Variants in LSM14B observed in about 807,000 individuals in gnomAD.
LSM14B encodes LSM family member 14B.
Under a neutral mutation model 42.1 loss-of-function variants are expected in LSM14B, and 8 were observed. The observed-to-expected ratio is 0.19, with a 90% CI of 0.11 to 0.34. The LOEUF is 0.34. LSM14B is among the 10% of genes least tolerant of loss of function. The pLI is 1.00. For missense variants in LSM14B, 396 were observed against 513.1 expected, an observed-to-expected ratio of 0.77 and a Z score of 2.21; for synonymous variants, 219 against 209.7, an observed-to-expected ratio of 1.04 and a Z score of -0.38.
chr20:62,132,744 G>A (rs975719016), intron 7 of LSM14B, among the ~76,000 whole-genome samples: 1 of 152,186 alleles, frequency 6.6e-6, no homozygotes, highest in African/African-American at 2.4e-5. Flanking sequence ...GTCTGCGTCG[G>A]TAGGAGTGCT....
At chr20:62,127,791 G>A (rs1185342762) in intron 3 of LSM14B, 2 of 974,468 alleles carry the variant, frequency 2.1e-6, no homozygotes, top group Admixed American at 4.0e-5. Context: ...AGTAGCTGTA[G>A]CAGATCATTT....
rs138478791 is a variant in LSM14B at position 62,128,664 on chromosome 20, CTG to C, written c.428-1117_428-1116del. Among the ~76,000 whole-genome samples the C allele has an allele frequency of 2.8e-3, 432 of 152,320 alleles. 3 individuals carry two copies. The highest frequency in any genetic ancestry group is 9.8e-3 in the African/African-American group (409 of 41,578). On this transcript the variant is annotated intron_variant, in intron 3 of 8. Transcript: ENST00000279068. The stretch of plus-strand genomic sequence containing the variant: ...CAGTATGATCAGCAGGCAGGCAGTG[CTG>C]TGTTTGTCTCCCGGACATGCTGAGT...
At position 62,134,466 on chromosome 20, in the gene LSM14B, C is replaced by T. The variant is rs1045345005; in HGVS notation, c.*318C>T. ...TTCTATAGTGAAAGCTGAATCCTTA[C>T]TTTGTGACTTTTTTTTTTTTTTTTA... is the stretch of plus-strand genomic sequence containing the variant. On this transcript the variant is annotated 3_prime_UTR_variant, in exon 9 of 9. Coordinates refer to ENST00000279068, the MANE Select transcript of LSM14B (RefSeq NM_144703.3). 2.2e-4 allele frequency: 38 copies of T among 173,984 alleles called. No homozygotes were observed. The highest frequency in any genetic ancestry group is 8.2e-4 in the South Asian group (13 of 15,896). 10.8% of individuals were successfully genotyped at this position (173,984 alleles called of 1,614,324 possible). A position where few individuals can be genotyped will look rare whatever the true frequency, so the allele number is the denominator to read the frequency against.
intron 3 of LSM14B, among the ~76,000 whole-genome samples, chr20:62,126,688 A>C: frequency 6.6e-6 from 1 of 152,200 alleles, no homozygotes; most frequent in East Asian, 1.9e-4. Flanking sequence ...TCATTCGAAG[A>C]GTCAGGGCGG....
At chr20:62,125,098 C>T (rs1274502677) in intron 2 of LSM14B, among the ~76,000 whole-genome samples, 1 of 152,172 alleles carries the variant, frequency 6.6e-6, no homozygotes, top group Non-Finnish European at 1.5e-5. Context: ...CCAGGATGGT[C>T]TCAATCTCTT....
At chr20:62,123,868 G>A (rs934166296) in intron 1 of LSM14B, among the ~76,000 whole-genome samples, 2 of 152,218 alleles carry the variant, frequency 1.3e-5, no homozygotes, top group Non-Finnish European at 2.9e-5. Context: ...CTCACTTGCA[G>A]CCATGGAACC....
Position 62,130,322 on chromosome 20 carries a change from T to C in LSM14B, c.673+26T>C. On this transcript the variant is annotated intron_variant, in intron 5 of 8. Coordinates refer to ENST00000279068, the MANE Select transcript of LSM14B (RefSeq NM_144703.3). This position sits in a 1 kb window ranked among gnomAD's most constrained non-coding sequence, Gnocchi z 4.1. ...GTAACACCTGTTGCCACTTGATTTCTGGGGACCACGAGTGATCAGGCTGAG... is the reference window on the plus strand; with the variant it reads ...GTAACACCTGTTGCCACTTGATTTCCGGGGACCACGAGTGATCAGGCTGAG... 6.4e-7 allele frequency: 1 copy of C among 1,571,422 alleles called. No individual in the cohort carries two copies. The highest frequency in any genetic ancestry group is 1.2e-5 in the South Asian group (1 of 85,576).
At chr20:62,128,819 C>T (rs2056680278) in intron 3 of LSM14B, 2 of 644,376 alleles carry the variant, frequency 3.1e-6, no homozygotes, top group Admixed American at 3.2e-5. Context: ...AATTTTTCTA[C>T]AGTCAATTTT....
chr20:62,126,435 T>G lies in LSM14B; in HGVS notation c.423T>G (p.Gly141=), dbSNP rs772916720. 3.7e-6 allele frequency: 6 copies of G among 1,608,182 alleles called. No individual in the cohort carries two copies. The highest frequency in any genetic ancestry group is 5.1e-6 in the Non-Finnish European group (6 of 1,179,736). ...GCCAGCAGTATGCCGCCTCCCTGGG[T>G]CTAGGTGAGTGACCTGTTTCTGTCT... is the stretch of plus-strand genomic sequence containing the variant. The part of the protein sequence containing the change: ...LLSQQYAASL[G]LGAGFPSIPV... The change falls in exon 3 of 9, where the codon GGT becomes GGG. Residue 141 remains glycine, a synonymous_variant. Coordinates refer to ENST00000279068, the MANE Select transcript of LSM14B (RefSeq NM_144703.3).
chr20:62,129,959 G>T lies in LSM14B; in HGVS notation c.595+7G>T. On this transcript the variant is annotated splice_region_variant and intron_variant, in intron 4 of 8. Coordinates refer to ENST00000279068, the MANE Select transcript of LSM14B (RefSeq NM_144703.3). The stretch of plus-strand genomic sequence containing the variant: ...AGCAGCAAGACGGCCAGCGGTACTT[G>T]AACACATCATTTCCTGGAGTTTGCT... 11 of 1,606,454 alleles carry T rather than the reference G, an allele frequency of 6.8e-6. No homozygotes were observed. The highest frequency in any genetic ancestry group is 9.3e-6 in the Non-Finnish European group (11 of 1,176,844).
At chr20:62,131,911 C>T (rs917433766) in intron 7 of LSM14B, among the ~76,000 whole-genome samples, 4 of 152,242 alleles carry the variant, frequency 2.6e-5, no homozygotes, top group African/African-American at 9.6e-5. Context: ...GGCTTTCCTT[C>T]ACTTCATTGT....
At chr20:62,127,562 C>A in intron 3 of LSM14B, 2 of 1,508,456 alleles carry the variant, frequency 1.3e-6, no homozygotes, top group Non-Finnish European at 1.8e-6. Context: ...TCTTTTTGCT[C>A]TTTCTCCTTT....
In LSM14B at chr20:62,132,169, G is replaced by A. The variant is rs749807789; in HGVS notation, c.986+663G>A. On this transcript the variant is annotated intron_variant, in intron 7 of 8. Coordinates refer to ENST00000279068, the MANE Select transcript of LSM14B (RefSeq NM_144703.3). ...CAGGGGAAAAATAGAACAGCATGTC[G>A]TGAAGGCCAGGCAGTGAGGGCGATG... Among the ~76,000 whole-genome samples the A allele has an allele frequency of 4.5e-4, 69 of 152,224 alleles. 1 individual carries two copies. The highest frequency in any genetic ancestry group is 8.8e-5 in the Non-Finnish European group (6 of 68,040).
rs1403544163 is a variant in LSM14B at position 62,126,556 on chromosome 20, T to G, written c.427+117T>G. 4.5e-6 allele frequency: 6 copies of G among 1,340,226 alleles called. No individual in the cohort carries two copies. In the South Asian group the frequency reaches 8.4e-5, roughly 19 times the overall value. The allele number at this position is 1,340,226 out of a possible 1,614,324, so 83.0% of individuals were successfully genotyped here. A position where few individuals can be genotyped will look rare whatever the true frequency, so the allele number is the denominator to read the frequency against. ...TGTCATGCTCAGCTTGTAGACTGTT[T>G]TGTTGCACACTTAGTAAATTACCCA... On this transcript the variant is annotated intron_variant, in intron 3 of 8. Coordinates refer to ENST00000279068, the MANE Select transcript of LSM14B (RefSeq NM_144703.3).
chr20:62,133,188 G>A, intron 7 of LSM14B, 102 bp from the exon 8 acceptor site: 1 of 1,429,340 alleles, frequency 7.0e-7, no homozygotes, highest in Non-Finnish European at 9.5e-7. Context: ...TAGTGGCCCT[G>A]GTGAGTCTGT....
intron 7 of LSM14B, among the ~76,000 whole-genome samples, chr20:62,131,710 G>C (rs1464362921): frequency 6.6e-6 from 1 of 152,190 alleles, no homozygotes; most frequent in African/African-American, 2.4e-5. Context: ...CGAGGAGTTG[G>C]CTGAGGTCGA....
chr20:62,129,333 G>A (rs1469265341), intron 3 of LSM14B, among the ~76,000 whole-genome samples: 1 of 152,170 alleles, frequency 6.6e-6, no homozygotes, highest in African/African-American at 2.4e-5. Context: ...TCCCAGGCTG[G>A]GCTGGTTCTT....
In LSM14B at chr20:62,130,738, A is replaced by T. The variant is rs114042894; in HGVS notation, c.835+47A>T. 6.5e-4 allele frequency: 1,025 copies of T among 1,584,700 alleles called. 7 individuals carry two copies. The African/African-American group carries it at 0.013, about 20-fold the overall frequency. ...TTATTCTCTGCACAGGAGTACCCCT[A>T]GAGAGTGTTAGGAGGAGATGCCTGG... On this transcript the variant is annotated intron_variant, in intron 6 of 8. Coordinates refer to ENST00000279068, the MANE Select transcript of LSM14B (RefSeq NM_144703.3). The surrounding 1 kb of genome is among the most constrained non-coding windows in gnomAD (Gnocchi z 4.1).
At chr20:62,125,809 C>G (rs1235523469) in intron 2 of LSM14B, among the ~76,000 whole-genome samples, 3 of 152,110 alleles carry the variant, frequency 2.0e-5, no homozygotes, top group Non-Finnish European at 4.4e-5. Context: ...CCTGTAATCC[C>G]AGCACTTTGG....
Sources: allele counts gnomAD v4.1 joint callset (sites outside exome capture counted in the v4.1 genomes callset), GRCh38; gene constraint gnomAD v4.1.1; non-coding constraint Gnocchi (gnomAD v3.1); transcripts MANE v1.5; gene names NCBI Gene and HGNC (gene_info 2026-07-23, HGNC 2026-07-21).